TBRG1: variants seen among roughly 807,000 people sequenced by gnomAD.
TBRG1 encodes the protein nuclear interactor of ARF and MDM2.
TBRG1 carries 31 observed loss-of-function variants against 44.0 expected under a neutral mutation model. That is an observed-to-expected ratio of 0.70 (90% CI 0.53 to 0.95). TBRG1 has a LOEUF of 0.95. Ranked by LOEUF, TBRG1 falls within the 40% of genes least tolerant of loss-of-function variation. The pLI is 0.00. For synonymous variants in TBRG1, 171 were observed against 188.1 expected (o/e 0.91, Z 0.74); for missense variants, 487 against 496.1 (o/e 0.98, Z 0.18).
At position 124,625,847 on chromosome 11, in the gene TBRG1, GGAA is replaced by G. The variant is rs954176149; in HGVS notation, c.402_404del (p.Lys135del). On this transcript the variant is annotated inframe_deletion, in exon 3 of 9. Coordinates refer to ENST00000441174, the MANE Select transcript of TBRG1 (RefSeq NM_032811.3). ...AGCACTGGGGCTGAGGAACCATTTGGGAAGAAAACTAAGAAGGAGAAAAAAGAA... is the reference window on the plus strand; with the variant it reads ...AGCACTGGGGCTGAGGAACCATTTGGGAAAACTAAGAAGGAGAAAAAAGAA... 3.8e-6 allele frequency: 6 copies of G among 1,579,262 alleles called. No homozygotes were observed. Among genetic ancestry groups the G allele is most frequent in the Admixed American group, 1.9e-5 (1 of 52,872 alleles).
At chr11:124,625,530 C>A in intron 2 of TBRG1, 141 bp from the exon 3 acceptor site, 3 of 716,358 alleles carry the variant, frequency 4.2e-6, no homozygotes, top group South Asian at 3.9e-5. Flanking sequence ...CTTTATGATT[C>A]ATAGGGCCTA....
At chr11:124,630,122 G>A (rs2134334827) in intron 5 of TBRG1, 1 of 346,436 alleles carries the variant, frequency 2.9e-6, no homozygotes, top group East Asian at 5.7e-5. Context: ...ATAAATAAGT[G>A]GATTGGAAAG....
Position 124,626,914 on chromosome 11 carries a change from AC to A in TBRG1, c.604del (p.Arg202AspfsTer24). On this transcript the variant is annotated frameshift_variant, in exon 5 of 9. Coordinates refer to ENST00000441174, the MANE Select transcript of TBRG1 (RefSeq NM_032811.3). LOFTEE classifies it high-confidence loss of function. ...TVYSLGEIITDRPGFHDESAI... is the reference protein window; with the variant it reads ...TVYSLGEIITXRPGFHDESAI... ...GAATGTTTTTTATAGATCATCACCG[AC>A]CGACCTGGCTTTCATGATGAGAGTG... The A allele has an allele frequency of 6.2e-7, 1 of 1,606,026 alleles. No homozygotes were observed. The highest frequency in any genetic ancestry group is 8.5e-7 in the Non-Finnish European group (1 of 1,175,932).
rs1942702770 is a variant in TBRG1 at position 124,635,300 on chromosome 11, G to C, written c.*3062G>C. 1 of 152,176 alleles carries C rather than the reference G, an allele frequency of 6.6e-6. No homozygotes were observed. The highest frequency in any genetic ancestry group is 2.1e-4 in the South Asian group (1 of 4,834). The allele number at this position is 152,176 out of a possible 1,614,324, so 9.4% of individuals were successfully genotyped here. On this transcript the variant is annotated 3_prime_UTR_variant, in exon 9 of 9. Coordinates refer to ENST00000441174, the MANE Select transcript of TBRG1 (RefSeq NM_032811.3). The stretch of plus-strand genomic sequence containing the variant: ...TGGGCAATAGGGGTTAACTGAACGA[G>C]TTGAATGCTAGGAAGTCCTCAGGGG...
At chr11:124,629,271 G>A (rs1014381288) in intron 5 of TBRG1, among the ~76,000 whole-genome samples, 9 of 152,018 alleles carry the variant, frequency 5.9e-5, no homozygotes, top group African/African-American at 7.2e-5. Context: ...CCCGGGAGGC[G>A]GAGCTTGCAG....
rs1333973823 is a variant in TBRG1, at chr11:124,626,590, C to T, written c.572C>T (p.Thr191Ile). 5.2e-6 allele frequency: 8 copies of T among 1,551,592 alleles called. No homozygotes were observed. Among genetic ancestry groups the T allele is most frequent in the Non-Finnish European group, 7.0e-6 (8 of 1,146,934 alleles). Residue 191 changes from threonine (T) to isoleucine (I), a missense_variant, in exon 4 of 9, where the codon ACA becomes ATA. Transcript: ENST00000441174. Reference protein sequence around the residue: ...PVFPIGLGGLTVYSLGEIITD... With the variant: ...PVFPIGLGGLIVYSLGEIITD... Reference sequence around the variant, plus strand: ...TTCCCCATCGGACTAGGGGGTCTAACAGTATATAGCCTGGGGGAGGTGAGT... The same window carrying T: ...TTCCCCATCGGACTAGGGGGTCTAATAGTATATAGCCTGGGGGAGGTGAGT...
chr11:124,633,885 C>T lies in TBRG1; in HGVS notation c.*1647C>T, dbSNP rs1345939811. ...AGTAATACCCGTATTAAAAGAGCCT[C>T]ATTTTAGAAAGACATTTAAAATTTT... is the stretch of plus-strand genomic sequence containing the variant. On this transcript the variant is annotated 3_prime_UTR_variant, in exon 9 of 9. Transcript: ENST00000441174. 2.0e-5 allele frequency: 3 copies of T among 152,154 alleles called. No individual in the cohort carries two copies. Among genetic ancestry groups the T allele is most frequent in the African/African-American group, 4.8e-5 (2 of 41,436 alleles). The allele number at this position is 152,154 out of a possible 1,614,324, so 9.4% of individuals were successfully genotyped here.
chr11:124,631,895 T>C, intron 8 of TBRG1, 198 bp from the exon 9 acceptor site: 1 of 562,334 alleles, frequency 1.8e-6, no homozygotes, highest in Non-Finnish European at 3.2e-6. Context: ...TAATATACTA[T>C]ATAACCCTAG....
intron 5 of TBRG1, among the ~76,000 whole-genome samples, chr11:124,628,106 TATATATATATACACACACACAC>T (rs1255589220): frequency 9.7e-5 from 5 of 51,656 alleles, no homozygotes; most frequent in African/African-American, 5.3e-4. Context: ...TATATATATA[TATATATATATACACACACACAC>T]ACACACACAC....
At chr11:124,625,567 G>A (rs1042027946) in intron 2 of TBRG1, 104 bp from the exon 3 acceptor site, 3 of 1,012,864 alleles carry the variant, frequency 3.0e-6, no homozygotes, top group African/African-American at 3.3e-5. Context: ...TATGAGTATA[G>A]TAATCTTTGT....
At chr11:124,625,602 C>A in intron 2 of TBRG1, 69 bp from the exon 3 acceptor site, 1 of 1,398,632 alleles carries the variant, frequency 7.1e-7, no homozygotes, top group Non-Finnish European at 9.6e-7. Context: ...TTTCCCAGTA[C>A]TTGAGTAAAA....
Position 124,622,977 on chromosome 11 carries a change from G to A in TBRG1, c.-107G>A. On this transcript the variant is annotated 5_prime_UTR_variant, in exon 1 of 9. Coordinates refer to ENST00000441174, the MANE Select transcript of TBRG1 (RefSeq NM_032811.3). ...GTCCCGGAGAGCTAGATTCCTAGAG[G>A]CCCGATTCCGCTAGCCCGGAACAGA... 8.0e-7 allele frequency: 1 copy of A among 1,245,010 alleles called. No individual in the cohort carries two copies. Among genetic ancestry groups the A allele is most frequent in the South Asian group, 1.6e-5 (1 of 63,514 alleles). 77.1% of individuals were successfully genotyped at this position (1,245,010 alleles called of 1,614,324 possible). A position where few individuals can be genotyped will look rare whatever the true frequency, so the allele number is the denominator to read the frequency against.
Position 124,630,425 on chromosome 11 carries a change from T to C in TBRG1, c.776T>C (p.Ile259Thr), listed in dbSNP as rs140282994. ...IVPEDDPQNA[I>T]VSSSADACHA... is the part of the protein sequence containing the mutation. Reference sequence around the variant, plus strand: ...CCTGAAGATGACCCCCAGAATGCCATTGTCAGCTCTTCTGCAGATGCTTGT... The same window carrying C: ...CCTGAAGATGACCCCCAGAATGCCACTGTCAGCTCTTCTGCAGATGCTTGT... Residue 259 changes from isoleucine (I) to threonine (T), a missense_variant, in exon 6 of 9, where the codon ATT becomes ACT. Ile to Thr is a moderately conservative substitution (Grantham distance 89). Coordinates refer to ENST00000441174, the MANE Select transcript of TBRG1 (RefSeq NM_032811.3). The C allele has an allele frequency of 3.1e-5, 50 of 1,613,872 alleles. No homozygotes were observed. In the African/African-American group the frequency reaches 6.5e-4, roughly 21 times the overall value.
At chr11:124,624,775 A>G (rs1472325972) in intron 1 of TBRG1, among the ~76,000 whole-genome samples, 156 bp from the exon 2 acceptor site, 1 of 152,174 alleles carries the variant, frequency 6.6e-6, no homozygotes, top group Non-Finnish European at 1.5e-5. Flanking sequence ...GACTACCTTT[A>G]TCTATGGATT....
intron 4 of TBRG1, 30 bp downstream of exon 4, chr11:124,626,639 A>T: frequency 6.4e-7 from 1 of 1,550,964 alleles, no homozygotes; most frequent in Non-Finnish European, 8.7e-7. Context: ...TATAGAGAGG[A>T]GAATCAGGGA....
At chr11:124,626,775 C>A (rs1041049053) in intron 4 of TBRG1, 129 bp from the exon 5 acceptor site, 3 of 1,470,762 alleles carry the variant, frequency 2.0e-6, no homozygotes, top group African/African-American at 2.8e-5. Context: ...GCTACACAGC[C>A]TACTCTCTGT....
chr11:124,631,358 G>A lies in TBRG1; in HGVS notation c.1031G>A (p.Ser344Asn). The A allele has an allele frequency of 3.7e-6, 6 of 1,613,928 alleles. No homozygotes were observed. Among genetic ancestry groups the A allele is most frequent in the African/African-American group, 1.3e-5 (1 of 75,032 alleles). ...EGLPENDAAM[S>N]FEAFQRQIFD... ...CTGCCGGAGAATGATGCAGCTATGA[G>A]CTTTGAAGCCTTTCAGAGACAGATC... Residue 344 changes from serine (S) to asparagine (N), a missense_variant, in exon 8 of 9, where the codon AGC becomes AAC. By Grantham distance (46) the Ser-to-Asn change is conservative (BLOSUM62 1). Transcript: ENST00000441174.
rs183540513 is a variant in TBRG1 at position 124,629,540 on chromosome 11, C to T, written c.739-848C>T. 1.5e-3 allele frequency among the ~76,000 whole-genome samples: 230 copies of T among 152,160 alleles called. 1 individual carries two copies. Among genetic ancestry groups the T allele is most frequent in the African/African-American group, 5.3e-3 (218 of 41,510 alleles). On this transcript the variant is annotated intron_variant, in intron 5 of 8. Coordinates refer to ENST00000441174, the MANE Select transcript of TBRG1 (RefSeq NM_032811.3). Reference sequence around the variant, plus strand: ...ATTGACAGATCTCTAAAATTTGACACGGTAAATTGAATCCAGTGAAATAAT... The same window carrying T: ...ATTGACAGATCTCTAAAATTTGACATGGTAAATTGAATCCAGTGAAATAAT...
In TBRG1 at chr11:124,626,363, T is replaced by C. The variant is rs996142016; in HGVS notation, c.455-110T>C. The C allele has an allele frequency of 8.1e-6, 8 of 991,352 alleles. No individual in the cohort carries two copies. The African/African-American group carries it at 1.3e-4, about 16-fold the overall frequency. 61.4% of individuals were successfully genotyped at this position (991,352 alleles called of 1,614,324 possible). A position where few individuals can be genotyped will look rare whatever the true frequency, so the allele number is the denominator to read the frequency against. On this transcript the variant is annotated intron_variant, in intron 3 of 8. Transcript: ENST00000441174. ...AAGCCCCATATGCCCATTCAGTAAG[T>C]ATATAAAACCAGGATTGGCTTATTG...
Sources: gnomAD v4.1 joint callset for allele counts (sites outside exome capture counted in the v4.1 genomes callset) on GRCh38, gnomAD v4.1.1 for gene constraint, MANE v1.5 for transcripts, NCBI Gene and HGNC (gene_info 2026-07-23, HGNC 2026-07-21) for gene names.